Variants in COL22A1 observed in about 807,000 individuals in gnomAD.
The protein encoded by COL22A1 is collagen type XXII alpha 1 chain.
In COL22A1, 221 loss-of-function variants were observed where a neutral mutation model predicts 248.9. That is an observed-to-expected ratio of 0.89 (90% CI 0.80 to 0.99). The LOEUF (loss-of-function observed/expected upper bound fraction) is 0.99, where lower values mean the gene tolerates loss of function less well. COL22A1 is among the 50% of genes least tolerant of loss of function. The pLI is 0.00. For missense variants in COL22A1, 2,240 were observed against 2,179.0 expected (o/e 1.03, Z -0.56); for synonymous variants, 891 against 793.4 (o/e 1.12, Z -2.07).
At chr8:138,716,515 C>T (rs1225022776) in intron 28 of COL22A1, among the ~76,000 whole-genome samples, 1 of 152,122 alleles carries the variant, frequency 6.6e-6, no homozygotes, top group Non-Finnish European at 1.5e-5. Context: ...TCCCAGGAAC[C>T]CTTATTTTGC....
chr8:138,717,006 G>A (rs1829489736), intron 27 of COL22A1, 137 bp from the exon 28 acceptor site: 1 of 704,472 alleles, frequency 1.4e-6, no homozygotes, highest in African/African-American at 1.8e-5. Context: ...CATGGTTAGA[G>A]GCCCAAGAGT....
At chr8:138,630,672 A>G (rs753805715) in intron 50 of COL22A1, 23 bp downstream of exon 50, 2 of 1,609,524 alleles carry the variant, frequency 1.2e-6, no homozygotes, top group Non-Finnish European at 1.7e-6. Context: ...TTAAAAACAG[A>G]TCCCATTCCT....
chr8:138,694,745 C>A, intron 33 of COL22A1, 81 bp downstream of exon 33: 2 of 1,526,528 alleles, frequency 1.3e-6, no homozygotes, highest in South Asian at 2.4e-5. Context: ...ATGCACGGTG[C>A]AGATCTACAG....
At chr8:138,766,370 G>T (rs569757088) in intron 16 of COL22A1, among the ~76,000 whole-genome samples, 2 of 152,050 alleles carry the variant, frequency 1.3e-5, no homozygotes, top group African/African-American at 4.8e-5. Context: ...TGATGGATGC[G>T]TGGTCATTAG....
At chr8:138,730,064 G>T (rs1262326875) in intron 23 of COL22A1, among the ~76,000 whole-genome samples, 3 of 152,184 alleles carry the variant, frequency 2.0e-5, no homozygotes, top group African/African-American at 7.2e-5. Flanking sequence ...TCCCCCAAAA[G>T]GAAGGGAGAA....
rs4131277 is a variant in COL22A1 at position 138,630,731 on chromosome 8, T to C, written c.3627A>G (p.Ala1209=). The C allele has an allele frequency of 0.13, 208,227 of 1,613,186 alleles. 20,709 individuals are homozygous for C. The highest frequency in any genetic ancestry group is 0.49 in the African/African-American group (36,418 of 74,882). ...NPGPPGADGI[A]GAAGPPGIQG... ...GGATTCCTGGTGGTCCAGCAGCTCC[T>C]GCAATTCCATCTGCCCCCTAAAAAA... The change falls in exon 50 of 65, where the codon GCA becomes GCG. Residue 1209 remains alanine (A), a synonymous_variant. Transcript: ENST00000303045.
chr8:138,702,366 A>G (rs765003429), intron 31 of COL22A1, among the ~76,000 whole-genome samples: 2 of 152,196 alleles, frequency 1.3e-5, no homozygotes, highest in Non-Finnish European at 2.9e-5. Flanking sequence ...TGGGGAGGAG[A>G]CAGAGCTGTG....
In COL22A1 at chr8:138,765,529, G is replaced by A. The variant is rs181545179; in HGVS notation, c.1804-3063C>T. ...CTTTGGTCAAGGAATAGGCTGAGGC[G>A]GACATCCGGGCCTGAGTGACTCAGT... On this transcript the variant is annotated intron_variant, in intron 16 of 64. Coordinates refer to ENST00000303045, the MANE Select transcript of COL22A1 (RefSeq NM_152888.3). 4.1e-3 allele frequency among the ~76,000 whole-genome samples: 620 copies of A among 152,312 alleles called. 4 individuals are homozygous for A. The highest frequency in any genetic ancestry group is 0.014 in the African/African-American group (587 of 41,562).
At chr8:138,897,903 A>T (rs947941337) in intron 1 of COL22A1, among the ~76,000 whole-genome samples, 3 of 152,078 alleles carry the variant, frequency 2.0e-5, no homozygotes, top group Non-Finnish European at 4.4e-5. Flanking sequence ...TATTTCCCAC[A>T]GTTCTGGAGG....
chr8:138,637,903 A>T (rs1821331571), intron 47 of COL22A1, among the ~76,000 whole-genome samples: 1 of 152,124 alleles, frequency 6.6e-6, no homozygotes, highest in African/African-American at 2.4e-5. Flanking sequence ...CATAATCATG[A>T]TCACCATCAA....
chr8:138,668,169 T>C (rs897043703), intron 41 of COL22A1, among the ~76,000 whole-genome samples: 8 of 152,158 alleles, frequency 5.3e-5, no homozygotes, highest in African/African-American at 1.9e-4. Context: ...TATAAGATTG[T>C]GGTTCTGTTT....
intron 14 of COL22A1, among the ~76,000 whole-genome samples, chr8:138,779,175 G>T (rs1814736613): frequency 6.6e-6 from 1 of 152,118 alleles, no homozygotes; most frequent in African/African-American, 2.4e-5. Context: ...CCATATGAAT[G>T]TTATATATTA....
chr8:138,879,174 C>T (rs1290930478), intron 2 of COL22A1, among the ~76,000 whole-genome samples: 1 of 152,150 alleles, frequency 6.6e-6, no homozygotes, highest in East Asian at 1.9e-4. Flanking sequence ...GATACATACG[C>T]TGTTCTCCCT....
Position 138,743,269 on chromosome 8 carries a change from T to C in COL22A1, c.2086-5692A>G, listed in dbSNP as rs368162421. 3.9e-3 allele frequency among the ~76,000 whole-genome samples: 490 copies of C among 126,988 alleles called. 4 individuals are homozygous for C. The highest frequency in any genetic ancestry group is 0.011 in the African/African-American group (343 of 31,838). The allele number at this position is 126,988 out of a possible 152,430, so 83.3% of individuals were successfully genotyped here. On this transcript the variant is annotated intron_variant, in intron 22 of 64. Transcript: ENST00000303045. ...AGTTGATGGTGATGGTGGTAGTGAT[T>C]GTGATGATGATGGTGGAGATGATGG... is the stretch of plus-strand genomic sequence containing the variant.
At chr8:138,811,268 T>TAC (rs200757539) in intron 9 of COL22A1, among the ~76,000 whole-genome samples, 80 of 111,828 alleles carry the variant, frequency 7.2e-4, no homozygotes, top group African/African-American at 1.7e-3. Flanking sequence ...TACATATATA[T>TAC]ATATACACAC....
chr8:138,801,669 A>G (rs1183355843), intron 11 of COL22A1, among the ~76,000 whole-genome samples: 1 of 152,196 alleles, frequency 6.6e-6, no homozygotes, highest in East Asian at 1.9e-4. Flanking sequence ...ACCTGAGGTC[A>G]GGAGTTTGAG....
At chr8:138,853,162 A>AAGACC (rs1295360711) in intron 3 of COL22A1, among the ~76,000 whole-genome samples, 2 of 152,120 alleles carry the variant, frequency 1.3e-5, no homozygotes, top group African/African-American at 4.8e-5. Context: ...GTGACAGAGA[A>AAGACC]AGACCTGGTC....
intron 12 of COL22A1, among the ~76,000 whole-genome samples, chr8:138,791,783 G>C (rs143368424): frequency 3.3e-5 from 5 of 152,256 alleles, no homozygotes; most frequent in African/African-American, 1.2e-4. Flanking sequence ...TCAGGTTTAT[G>C]GTGCCAGTAA....
At chr8:138,664,375 A>G (rs560407101) in intron 41 of COL22A1, among the ~76,000 whole-genome samples, 1 of 152,202 alleles carries the variant, frequency 6.6e-6, no homozygotes, top group South Asian at 2.1e-4. Context: ...ACTGGAAGGC[A>G]TTCACATGCA....
Sources: allele counts gnomAD v4.1 joint callset (sites outside exome capture counted in the v4.1 genomes callset), GRCh38; gene constraint gnomAD v4.1.1; transcripts MANE v1.5; gene names NCBI Gene and HGNC (gene_info 2026-07-23, HGNC 2026-07-21).